DAAM1: variants seen among roughly 807,000 people sequenced by gnomAD.
DAAM1 encodes dishevelled associated activator of morphogenesis 1, also known as disheveled-associated activator of morphogenesis 1.
In DAAM1, 52 loss-of-function variants were observed where a neutral mutation model predicts 130.0. The observed-to-expected ratio is 0.40, with a 90% CI of 0.32 to 0.50. The LOEUF is 0.50. Among genes scored for constraint, DAAM1 ranks in the 20% least tolerant of loss-of-function variants. The pLI is 0.61. For synonymous variants in DAAM1, 452 were observed against 444.5 expected (o/e 1.02, Z -0.21); for missense variants, 1,134 against 1,303.8 (o/e 0.87, Z 2.01).
Position 59,315,342 on chromosome 14 carries a change from C to T in DAAM1, c.336C>T (p.Ser112=). ...WPEFYIDQLN[S]MAARKSLLAL... is the part of the protein sequence containing the mutation. ...AATTCTACATTGATCAGCTCAATTC[C>T]ATGGCTGCTGTAAGTAGACTTTTAT... The change falls in exon 4 of 25, where the codon TCC becomes TCT. Residue 112 remains serine, a synonymous_variant. Coordinates refer to ENST00000360909, the MANE Select transcript of DAAM1 (RefSeq NM_001270520.2). 1.9e-6 allele frequency: 3 copies of T among 1,613,796 alleles called. No individual in the cohort carries two copies. The highest frequency in any genetic ancestry group is 2.5e-6 in the Non-Finnish European group (3 of 1,179,824).
chr14:59,371,268 T>A lies in DAAM1; in HGVS notation c.*2409T>A, dbSNP rs1887162405. On this transcript the variant is annotated 3_prime_UTR_variant, in exon 25 of 25. Coordinates refer to ENST00000360909, the MANE Select transcript of DAAM1 (RefSeq NM_001270520.2). ...TATGTCTTATATCTTATTAGCTTAG[T>A]AGTTGGAACCACTTAGTCTTTAGGT... 1 of 152,150 alleles carries A rather than the reference T, an allele frequency of 6.6e-6. No homozygotes were observed. The highest frequency in any genetic ancestry group is 1.5e-5 in the Non-Finnish European group (1 of 68,012). 9.4% of individuals were successfully genotyped at this position (152,150 alleles called of 1,614,324 possible).
intron 2 of DAAM1, among the ~76,000 whole-genome samples, chr14:59,290,656 C>T (rs1428144222): frequency 6.6e-6 from 1 of 152,226 alleles, no homozygotes; most frequent in Non-Finnish European, 1.5e-5. Context: ...CCGCTATTCA[C>T]TCCCTACCTC....
At chr14:59,201,609 C>T (rs891225672) in intron 1 of DAAM1, among the ~76,000 whole-genome samples, 1 of 152,046 alleles carries the variant, frequency 6.6e-6, no homozygotes, top group Non-Finnish European at 1.5e-5. Flanking sequence ...GAATGAGACT[C>T]CATCTCCACG....
intron 1 of DAAM1, among the ~76,000 whole-genome samples, chr14:59,259,976 G>A (rs1009155070): frequency 3.7e-4 from 56 of 152,250 alleles, no homozygotes; most frequent in African/African-American, 1.2e-3. Flanking sequence ...CCCGGGAGGC[G>A]GAGCTTGCAG....
chr14:59,203,241 C>G (rs904192095), intron 1 of DAAM1, among the ~76,000 whole-genome samples: 4 of 148,972 alleles, frequency 2.7e-5, no homozygotes, highest in Non-Finnish European at 3.0e-5. Flanking sequence ...ATCTCCTGAC[C>G]TCATGATCTG....
rs1885089564 is a variant in DAAM1 at position 59,323,285 on chromosome 14, C to T, written c.774+60C>T. On this transcript the variant is annotated intron_variant, in intron 6 of 24. Transcript: ENST00000360909. ...TCTTTAAAGTCTGCTCAAACACGTGCTTTTCCTGTCCCTGAAAGGGGAATG... is the reference window on the plus strand; with the variant it reads ...TCTTTAAAGTCTGCTCAAACACGTGTTTTTCCTGTCCCTGAAAGGGGAATG... 2.0e-6 allele frequency: 3 copies of T among 1,464,308 alleles called. No homozygotes were observed. In the Admixed American group the frequency reaches 7.1e-5, roughly 35 times the overall value. 90.7% of individuals were successfully genotyped at this position (1,464,308 alleles called of 1,614,324 possible).
intron 16 of DAAM1, among the ~76,000 whole-genome samples, chr14:59,344,719 G>C (rs1473932790): frequency 1.3e-5 from 2 of 152,190 alleles, no homozygotes; most frequent in Non-Finnish European, 2.9e-5. Flanking sequence ...ATTAGAGCTA[G>C]TGTTTAGTCC....
intron 1 of DAAM1, among the ~76,000 whole-genome samples, chr14:59,223,257 T>A (rs569186265): frequency 6.6e-6 from 1 of 152,322 alleles, no homozygotes; most frequent in East Asian, 1.9e-4. Context: ...GATGATGGAG[T>A]GCTGCTGTGC....
At chr14:59,307,674 T>G (rs1220492357) in intron 3 of DAAM1, among the ~76,000 whole-genome samples, 1 of 152,136 alleles carries the variant, frequency 6.6e-6, no homozygotes, top group Non-Finnish European at 1.5e-5. Flanking sequence ...AGCAGAGCCC[T>G]GGGGGGTCAG....
intron 1 of DAAM1, among the ~76,000 whole-genome samples, chr14:59,231,629 A>G (rs985138420): frequency 1.9e-4 from 29 of 152,170 alleles, no homozygotes; most frequent in African/African-American, 6.0e-4. Context: ...CAACCTTGGC[A>G]GTATACTTAA....
At chr14:59,301,654 G>A (rs567589795) in intron 3 of DAAM1, among the ~76,000 whole-genome samples, 1 of 152,260 alleles carries the variant, frequency 6.6e-6, no homozygotes, top group South Asian at 2.1e-4. Flanking sequence ...GACTGTTGCT[G>A]GGGCTCACGC....
chr14:59,314,328 T>TA (rs1351637852), intron 3 of DAAM1, among the ~76,000 whole-genome samples: 1 of 152,218 alleles, frequency 6.6e-6, no homozygotes, highest in Non-Finnish European at 1.5e-5. Flanking sequence ...AATGTGAAGC[T>TA]AAAGAACCAA....
At chr14:59,357,808 A>G (rs1159475545) in intron 20 of DAAM1, among the ~76,000 whole-genome samples, 3 of 152,042 alleles carry the variant, frequency 2.0e-5, no homozygotes, top group Non-Finnish European at 4.4e-5. Flanking sequence ...AAATGGAAGG[A>G]TGCAGCTGAA....
At position 59,289,783 on chromosome 14, in the gene DAAM1, T is replaced by TATATATATATATATATATATAA. The variant is rs966292211; in HGVS notation, c.184-1433_184-1432insTATATATATATATATATATAAA. ...ACAAAATGTGATATATATATATATA[T>TATATATATATATATATATATAA]AATGGAATGCTATGCAATCATAAAA... On this transcript the variant is annotated intron_variant, in intron 2 of 24. Transcript: ENST00000360909. 1.1e-3 allele frequency among the ~76,000 whole-genome samples: 154 copies of TATATATATATATATATATATAA among 135,202 alleles called. 8 individuals carry two copies. The highest frequency in any genetic ancestry group is 2.1e-3 in the Non-Finnish European group (124 of 59,468). The allele number at this position is 135,202 out of a possible 152,430, so 88.7% of individuals were successfully genotyped here.
chr14:59,320,600 A>T lies in DAAM1; in HGVS notation c.440+16A>T. ...AACCAATGAGGTAATTTTCCCCTGG[A>T]TGGCATGTTTTTTTTTTTTCTCTCC... On this transcript the variant is annotated intron_variant, in intron 5 of 24. Coordinates refer to ENST00000360909, the MANE Select transcript of DAAM1 (RefSeq NM_001270520.2). 1.3e-6 allele frequency: 2 copies of T among 1,511,322 alleles called. No individual in the cohort carries two copies. Among genetic ancestry groups the T allele is most frequent in the Non-Finnish European group, 1.8e-6 (2 of 1,131,690 alleles). 93.6% of individuals were successfully genotyped at this position (1,511,322 alleles called of 1,614,324 possible). A position where few individuals can be genotyped will look rare whatever the true frequency, so the allele number is the denominator to read the frequency against.
chr14:59,309,843 T>C (rs1052662255), intron 3 of DAAM1, among the ~76,000 whole-genome samples: 1 of 152,234 alleles, frequency 6.6e-6, no homozygotes, highest in African/African-American at 2.4e-5. Context: ...CAAATATTTT[T>C]ACATCTTCCA....
At chr14:59,208,209 C>T (rs11628194) in intron 1 of DAAM1, among the ~76,000 whole-genome samples, 28,709 of 152,072 alleles carry the variant, frequency 0.19, 3,283 homozygotes, top group Non-Finnish European at 0.26. Context: ...AATCCTAAGC[C>T]TCCCAGTTGA....
chr14:59,334,698 C>T (rs991268414), intron 15 of DAAM1, among the ~76,000 whole-genome samples: 3 of 152,248 alleles, frequency 2.0e-5, no homozygotes, highest in Admixed American at 1.3e-4. Flanking sequence ...AGTGTATATG[C>T]ACACACATAT....
At chr14:59,355,429 G>GCCT in intron 20 of DAAM1, 96 bp downstream of exon 20, 1 of 1,418,828 alleles carries the variant, frequency 7.0e-7, no homozygotes, top group Non-Finnish European at 9.6e-7. Context: ...TCATGACACT[G>GCCT]CATTCTTCAG....
Sources: allele counts gnomAD v4.1 joint callset (sites outside exome capture counted in the v4.1 genomes callset), GRCh38; gene constraint gnomAD v4.1.1; transcripts MANE v1.5; gene names NCBI Gene and HGNC (gene_info 2026-07-23, HGNC 2026-07-21).